FBXL18: variants seen among roughly 807,000 people sequenced by gnomAD.
FBXL18 encodes the protein F-box/LRR-repeat protein 18.
FBXL18 carries 36 observed loss-of-function variants against 46.0 expected under a neutral mutation model. The observed-to-expected ratio is 0.78, with a 90% confidence interval of 0.60 to 1.03. The LOEUF is 1.03. Among genes scored for constraint, FBXL18 ranks in the 50% least tolerant of loss-of-function variants. The pLI is 0.00. For synonymous variants in FBXL18, 557 were observed against 465.3 expected, an observed-to-expected ratio of 1.20 and a Z score of -2.54; for missense variants, 977 against 1,004.1, an observed-to-expected ratio of 0.97 and a Z score of 0.36.
chr7:5,505,704 G>A, intron 1 of FBXL18, 74 bp from the exon 2 acceptor site: 1 of 1,181,500 alleles, frequency 8.5e-7, no homozygotes, highest in Non-Finnish European at 1.2e-6. Context: ...GCTAGGCAGA[G>A]AAGCAAAGAG....
At chr7:5,502,109 A>G in intron 2 of FBXL18, 78 bp from the exon 3 acceptor site, 1 of 994,858 alleles carries the variant, frequency 1.0e-6, no homozygotes, top group Non-Finnish European at 1.5e-6. Flanking sequence ...CAGTGCGCAC[A>G]CTCCCCCTTG....
Position 5,484,700 on chromosome 7 carries a change from G to A in FBXL18, c.2001-2769C>T, listed in dbSNP as rs535243064. On this transcript the variant is annotated intron_variant, in intron 4 of 4. Transcript: ENST00000382368. ...GTCGCCCCGGCTGGAGTGCAATCGC[G>A]TGATCTTGGCTCAATGCAACCTCCG... 4.0e-5 allele frequency among the ~76,000 whole-genome samples: 6 copies of A among 149,318 alleles called. No homozygotes were observed. In the East Asian group the frequency reaches 6.0e-4, roughly 15 times the overall value.
chr7:5,500,864 G>A lies in FBXL18; in HGVS notation c.1405C>T (p.Pro469Ser), dbSNP rs1784223078. Residue 469 changes from proline (P) to serine (S), a missense_variant, in exon 3 of 5, where the codon CCC becomes TCC. Transcript: ENST00000382368. ...CPSPFSGQACPQPSSVFWSLL... is the reference protein window; with the variant it reads ...CPSPFSGQACSQPSSVFWSLL... ...GACCAGAACACGGAGGAGGGCTGGG[G>A]GCACGCCTGGCCCGAGAAGGGGCTG... The A allele has an allele frequency of 1.2e-6, 2 of 1,603,248 alleles. No homozygotes were observed. Among genetic ancestry groups the A allele is most frequent in the African/African-American group, 1.3e-5 (1 of 74,758 alleles).
At position 5,479,999 on chromosome 7, in the gene FBXL18, G is replaced by C. The variant is rs1783600376; in HGVS notation, c.*1776C>G. 6.6e-6 allele frequency among the ~76,000 whole-genome samples: 1 copy of C among 152,164 alleles called. No individual in the cohort carries two copies. Among genetic ancestry groups the C allele is most frequent in the African/African-American group, 2.4e-5 (1 of 41,436 alleles). On this transcript the variant is annotated 3_prime_UTR_variant, in exon 5 of 5. Coordinates refer to ENST00000382368, the MANE Select transcript of FBXL18 (RefSeq NM_024963.6). The stretch of plus-strand genomic sequence containing the variant: ...GAGAGCTGGGAGGCAGCCTGCACAG[G>C]AGGGCTGTACCTCCCCACAGCTCTG...
chr7:5,508,588 G>A (rs1046724298), intron 1 of FBXL18, among the ~76,000 whole-genome samples: 1 of 135,730 alleles, frequency 7.4e-6, no homozygotes, highest in Non-Finnish European at 1.7e-5. Context: ...CAGCCTGGAT[G>A]ACAGAGAGAG....
At chr7:5,462,995 T>TATATATATATATATATATAA (rs1309862413) in intron 4 of FBXL18, among the ~76,000 whole-genome samples, 1 of 31,778 alleles carries the variant, frequency 3.1e-5, no homozygotes, top group African/African-American at 8.6e-5. Context: ...TATATATATA[T>TATATATATATATATATATAA]AATATATATA....
At chr7:5,462,900 A>G (rs1248191689) in intron 4 of FBXL18, among the ~76,000 whole-genome samples, 3 of 140,738 alleles carry the variant, frequency 2.1e-5, no homozygotes, top group Admixed American at 7.4e-5. Flanking sequence ...GCAGTGAGCC[A>G]AGATCGCGCC....
chr7:5,510,871 C>G (rs946915477), intron 1 of FBXL18, among the ~76,000 whole-genome samples: 2 of 152,242 alleles, frequency 1.3e-5, no homozygotes, highest in Non-Finnish European at 1.5e-5. Flanking sequence ...AATTCCAATT[C>G]TGGTGTGAGT....
At chr7:5,505,121 G>C (rs772450278) in intron 2 of FBXL18, among the ~76,000 whole-genome samples, 1 of 151,360 alleles carries the variant, frequency 6.6e-6, no homozygotes, top group Non-Finnish European at 1.5e-5. Context: ...CACTCCTAGC[G>C]ATCCACAAGA....
In FBXL18 at chr7:5,500,916, T is replaced by C; in HGVS notation, c.1353A>G (p.Lys451=). The part of the protein sequence containing the change: ...MHAVPRGFGK[K]VRVGVQSCPS... ...GACAGGACTGCACGCCCACACGCAC[T>C]TTCTTGCCAAAGCCGCGCGGCACTG... is the stretch of plus-strand genomic sequence containing the variant. The change falls in exon 3 of 5, where the codon AAA becomes AAG. Residue 451 remains lysine (K), a synonymous_variant. Transcript: ENST00000382368. 6.4e-7 allele frequency: 1 copy of C among 1,569,836 alleles called. No homozygotes were observed. Among genetic ancestry groups the C allele is most frequent in the African/African-American group, 1.4e-5 (1 of 73,734 alleles).
chr7:5,468,052 G>A (rs1383839475), intron 4 of FBXL18, among the ~76,000 whole-genome samples: 3 of 150,202 alleles, frequency 2.0e-5, no homozygotes, highest in East Asian at 2.0e-4. Context: ...GCACGATCTC[G>A]GCTCACTGCA....
At chr7:5,508,607 T>C (rs1784452718) in intron 1 of FBXL18, among the ~76,000 whole-genome samples, 1 of 142,818 alleles carries the variant, frequency 7.0e-6, no homozygotes, top group African/African-American at 2.6e-5. Context: ...AGACCTTGTC[T>C]CAAAAAAAAA....
rs944077139 is a variant in FBXL18, at chr7:5,496,312, T to A, written c.1781+4176A>T. Among the ~76,000 whole-genome samples, 1 of 152,142 alleles carries A rather than the reference T, an allele frequency of 6.6e-6. No homozygotes were observed. Among genetic ancestry groups the A allele is most frequent in the African/African-American group, 2.4e-5 (1 of 41,430 alleles). ...AAAGGTCCCCTCCACCCGCGGTGGCTGCCGTCACCTCTGCCTCTTGCTTCC... is the reference window on the plus strand; with the variant it reads ...AAAGGTCCCCTCCACCCGCGGTGGCAGCCGTCACCTCTGCCTCTTGCTTCC... On this transcript the variant is annotated intron_variant, in intron 3 of 4. Transcript: ENST00000382368. The surrounding 1 kb of genome is among the most constrained non-coding windows in gnomAD (Gnocchi z 4.8).
intron 2 of FBXL18, 61 bp downstream of exon 2, chr7:5,505,351 C>T: frequency 1.3e-6 from 2 of 1,495,100 alleles, no homozygotes; most frequent in Non-Finnish European, 9.2e-7. Flanking sequence ...CAGGGCTGTG[C>T]CCAGTCCTCA....
chr7:5,490,026 C>T (rs775976820), intron 4 of FBXL18: 1 of 1,321,766 alleles, frequency 7.6e-7, no homozygotes, highest in Admixed American at 2.2e-5. Context: ...TTTTTACAAC[C>T]AGAGAGGGGG....
rs1439946097 is a variant in FBXL18, at chr7:5,463,694, C to CTATA, written c.2001-15855_2001-15852dup. ...CATAAATGTGCTTCATGCCCCTGAA[C>CTATA]TATATATATATTTATTTATTTATTT... is the stretch of plus-strand genomic sequence containing the variant. On this transcript the variant is annotated intron_variant and NMD_transcript_variant, in intron 4 of 6. Coordinates refer to the FBXL18 transcript ENST00000415009. 3.7e-3 allele frequency among the ~76,000 whole-genome samples: 229 copies of CTATA among 61,470 alleles called. 9 individuals carry two copies. The highest frequency in any genetic ancestry group is 9.4e-3 in the Middle Eastern group (1 of 106). 40.3% of individuals were successfully genotyped at this position (61,470 alleles called of 152,430 possible).
rs1783546249 is a variant in FBXL18 at position 5,477,619 on chromosome 7, T to C, written c.*4156A>G. Among the ~76,000 whole-genome samples, 1 of 151,976 alleles carries C rather than the reference T, an allele frequency of 6.6e-6. No individual in the cohort carries two copies. The highest frequency in any genetic ancestry group is 2.1e-4 in the South Asian group (1 of 4,820). On this transcript the variant is annotated 3_prime_UTR_variant, in exon 5 of 5. Transcript: ENST00000382368. The surrounding 1 kb of genome is among the most constrained non-coding windows in gnomAD (Gnocchi z 4.4). ...CAGGAGGCTGATGTGGGAGAATCGC[T>C]TGAACCTGTGAGGTGGAGGTTGTAG... is the stretch of plus-strand genomic sequence containing the variant.
chr7:5,498,001 C>G (rs1014647150), intron 3 of FBXL18, among the ~76,000 whole-genome samples: 2 of 152,168 alleles, frequency 1.3e-5, no homozygotes, highest in Non-Finnish European at 2.9e-5. Context: ...TCCACTTTCT[C>G]CCCCACCCAG....
chr7:5,467,820 T>C (rs1421250834), intron 4 of FBXL18, among the ~76,000 whole-genome samples: 1 of 152,084 alleles, frequency 6.6e-6, no homozygotes, highest in Non-Finnish European at 1.5e-5. Context: ...GGAGCTGCTT[T>C]CCTTAGGAGA....
Sources: allele counts gnomAD v4.1 joint callset (sites outside exome capture counted in the v4.1 genomes callset), GRCh38; gene constraint gnomAD v4.1.1; non-coding constraint Gnocchi (gnomAD v3.1); transcripts MANE v1.5; gene names NCBI Gene and HGNC (gene_info 2026-07-23, HGNC 2026-07-21).